Variants in DYNC2I2 observed in about 807,000 individuals in gnomAD.
DYNC2I2 encodes the protein cytoplasmic dynein 2 intermediate chain 2.
A neutral mutation model predicts 52.0 loss-of-function variants in DYNC2I2; 39 were observed. The ratio of observed to expected loss-of-function variants is 0.75; its 90% confidence interval spans 0.58 to 0.98. The LOEUF (loss-of-function observed/expected upper bound fraction) is 0.98. DYNC2I2 is among the 50% of genes least tolerant of loss of function. DYNC2I2 has a pLI of 0.00. For missense variants in DYNC2I2, 743 were observed against 728.4 expected (o/e 1.02, Z -0.23); for synonymous variants, 359 against 321.1 (o/e 1.12, Z -1.26).
chr9:128,649,206 G>A (rs1860677593), intron 1 of DYNC2I2, among the ~76,000 whole-genome samples: 1 of 152,128 alleles, frequency 6.6e-6, no homozygotes, highest in South Asian at 2.1e-4. Flanking sequence ...AGCACTTTGG[G>A]AGGCTGAGTG....
chr9:128,640,158 C>A (rs1353437590), intron 2 of DYNC2I2, among the ~76,000 whole-genome samples: 1 of 152,172 alleles, frequency 6.6e-6, no homozygotes, highest in Non-Finnish European at 1.5e-5. Context: ...TAGGCACCTG[C>A]CACTACGCCC....
chr9:128,636,153 A>T (rs1462310209), intron 4 of DYNC2I2, 128 bp downstream of exon 4: 3 of 1,395,356 alleles, frequency 2.1e-6, no homozygotes. Flanking sequence ...TGGGCTCCAG[A>T]CTGAGAGGGT....
intron 1 of DYNC2I2, among the ~76,000 whole-genome samples, chr9:128,642,120 T>C (rs1305610978): frequency 6.6e-6 from 1 of 150,782 alleles, no homozygotes; most frequent in Non-Finnish European, 1.5e-5. Context: ...ACCCAATCTG[T>C]ACTAAAAATA....
chr9:128,656,853 CAAGACCTGG>C (rs1860840434), upstream of DYNC2I2: 5 of 956,826 alleles, frequency 5.2e-6, no homozygotes, highest in Non-Finnish European at 7.0e-6. Flanking sequence ...GCGCCTCCTG[CAAGACCTGG>C]AAGAAAGAAA....
the DYNC2I2 span, among the ~76,000 whole-genome samples, chr9:128,667,793 C>T: frequency 1.1e-4 from 16 of 149,336 alleles, no homozygotes; most frequent in South Asian, 4.2e-4. Context: ...AGTGCAGTGG[C>T]GCAATCTTGG....
At chr9:128,645,616 C>CAAAA (rs59742854) in intron 1 of DYNC2I2, among the ~76,000 whole-genome samples, 3 of 63,924 alleles carry the variant, frequency 4.7e-5, no homozygotes, top group Admixed American at 2.7e-4. Flanking sequence ...GACTCCATCT[C>CAAAA]AAAAAAAAAA....
chr9:128,633,969 CAG>C lies in DYNC2I2; in HGVS notation c.1384_1385del (p.Leu462ValfsTer2). The C allele has an allele frequency of 1.2e-6, 2 of 1,613,042 alleles. No individual in the cohort carries two copies. Among genetic ancestry groups the C allele is most frequent in the Non-Finnish European group, 1.7e-6 (2 of 1,180,044 alleles). On this transcript the variant is annotated frameshift_variant, in exon 9 of 9. Coordinates refer to ENST00000372715, the MANE Select transcript of DYNC2I2 (RefSeq NM_052844.4). LOFTEE classifies it high-confidence loss of function. The stretch of plus-strand genomic sequence containing the variant: ...TCTGGGAGCTTTTCTGGAGATCAAA[CAG>C]CTGCACGTCACCTGCAAAGAGAGAC... ...AAASGKGDVQ[L>X]FDLQKSSQKP...
intron 4 of DYNC2I2, 64 bp downstream of exon 4, chr9:128,636,217 G>T: frequency 1.9e-6 from 3 of 1,548,690 alleles, no homozygotes; most frequent in South Asian, 2.4e-5. Context: ...GCTCCCTTGT[G>T]CCCTCTGCAG....
At chr9:128,654,289 G>C (rs1860775149) in intron 1 of DYNC2I2, among the ~76,000 whole-genome samples, 1 of 152,144 alleles carries the variant, frequency 6.6e-6, no homozygotes, top group Non-Finnish European at 1.5e-5. Context: ...AACCTCACTG[G>C]CCTTGGGGAG....
chr9:128,648,799 C>CAAA (rs56801175), intron 1 of DYNC2I2, among the ~76,000 whole-genome samples: 7 of 132,148 alleles, frequency 5.3e-5, no homozygotes, highest in East Asian at 4.4e-4. Context: ...GACTCCGTTT[C>CAAA]AAAAAAAAAA....
chr9:128,636,203 GA>G lies in DYNC2I2; in HGVS notation c.703+77del, dbSNP rs762859653. On this transcript the variant is annotated intron_variant, in intron 4 of 8. Coordinates refer to ENST00000372715, the MANE Select transcript of DYNC2I2 (RefSeq NM_052844.4). ...CTGTCTCCGGGCCAAAGGGCCCATGGAAAGCTCCCTTGTGCCCTCTGCAGGG... is the reference window on the plus strand; with the variant it reads ...CTGTCTCCGGGCCAAAGGGCCCATGGAAGCTCCCTTGTGCCCTCTGCAGGG... 2.4e-5 allele frequency: 37 copies of G among 1,545,928 alleles called. No individual in the cohort carries two copies. In the African/African-American group the frequency reaches 5.1e-4, roughly 21 times the overall value.
chr9:128,635,233 G>A lies in DYNC2I2; in HGVS notation c.840C>T (p.His280=), dbSNP rs1381376586. The A allele has an allele frequency of 2.5e-6, 4 of 1,612,764 alleles. No homozygotes were observed. In the East Asian group the frequency reaches 6.7e-5, roughly 27 times the overall value. Residue 280 remains histidine, a synonymous_variant, in exon 6 of 9, where the codon CAC becomes CAT. Transcript: ENST00000372715. ...SQVVWLPEPG[H]SHRFQVLSVA... Reference sequence around the variant, plus strand: ...CACTCAGCACCTGGAAGCGGTGGCTGTGCCCAGGCTCGGGCAGCCACACCA... The same window carrying A: ...CACTCAGCACCTGGAAGCGGTGGCTATGCCCAGGCTCGGGCAGCCACACCA...
At position 128,650,494 on chromosome 9, in the gene DYNC2I2, C is replaced by T. The variant is rs1860699960; in HGVS notation, c.186+6047G>A. On this transcript the variant is annotated intron_variant, in intron 1 of 8. Transcript: ENST00000372715. ...CACTGTCCCTCTAAACAGATAGGGA[C>T]GTGGCAAGAAAAGTCAAGTCAGGCC... Among the ~76,000 whole-genome samples the T allele has an allele frequency of 4.1e-5, 2 of 48,428 alleles. 1 individual carries two copies. The highest frequency in any genetic ancestry group is 1.2e-3 in the South Asian group (2 of 1,604). The allele number at this position is 48,428 out of a possible 152,430, so 31.8% of individuals were successfully genotyped here. A position where few individuals can be genotyped will look rare whatever the true frequency, so the allele number is the denominator to read the frequency against.
the DYNC2I2 span, among the ~76,000 whole-genome samples, chr9:128,673,370 C>T: frequency 4.6e-5 from 7 of 152,128 alleles, no homozygotes; most frequent in Non-Finnish European, 1.0e-4. Flanking sequence ...TTCAAGGAGT[C>T]TCACTCTGTC....
At chr9:128,657,731 CAGT>C (rs1459552852), upstream of DYNC2I2, among the ~76,000 whole-genome samples, 3 of 152,036 alleles carry the variant, frequency 2.0e-5, no homozygotes, top group Non-Finnish European at 4.4e-5. Context: ...CCCTTGAGTC[CAGT>C]AGTTTGAGGC....
the DYNC2I2 span, among the ~76,000 whole-genome samples, chr9:128,675,420 T>G: frequency 1.3e-5 from 2 of 152,146 alleles, no homozygotes; most frequent in African/African-American, 4.8e-5. Flanking sequence ...CCTCAGGTGA[T>G]CTGCCCACCT....
At chr9:128,636,251 G>A (rs73669958) in intron 4 of DYNC2I2, 30 bp downstream of exon 4, 8 of 1,553,852 alleles carry the variant, frequency 5.1e-6, no homozygotes, top group South Asian at 2.4e-5. Context: ...GTCCTGAGAG[G>A]AGAGGAGGCG....
upstream of DYNC2I2, among the ~76,000 whole-genome samples, chr9:128,661,385 G>C (rs1274531160): frequency 1.3e-5 from 2 of 150,146 alleles, no homozygotes; most frequent in Admixed American, 1.3e-4. Context: ...TTGGGAGGCC[G>C]AGGTGGGCAG....
At chr9:128,682,672 C>CTTTTTT in the DYNC2I2 span, among the ~76,000 whole-genome samples, 4 of 120,622 alleles carry the variant, frequency 3.3e-5, no homozygotes, top group Non-Finnish European at 5.1e-5. Context: ...GGGACCTTGT[C>CTTTTTT]TTTTTTTTTT....
Sources: gnomAD v4.1 joint callset for allele counts (sites outside exome capture counted in the v4.1 genomes callset) on GRCh38, gnomAD v4.1.1 for gene constraint, MANE v1.5 for transcripts, NCBI Gene and HGNC (gene_info 2026-07-23, HGNC 2026-07-21) for gene names.